MYO16: variants seen among roughly 807,000 people sequenced by gnomAD.
MYO16 encodes myosin XVI.
A neutral mutation model predicts 205.3 loss-of-function variants in MYO16; 94 were observed. That is an observed-to-expected ratio of 0.46 (90% CI 0.39 to 0.54). The LOEUF is 0.54. MYO16 is among the 20% of genes least tolerant of loss of function. MYO16 has a pLI of 0.00. For synonymous variants in MYO16, 988 were observed against 954.0 expected (o/e 1.04, Z -0.66); for missense variants, 2,315 against 2,387.5 (o/e 0.97, Z 0.63).
intron 3 of MYO16, among the ~76,000 whole-genome samples, chr13:108,724,687 A>G (rs150888465): frequency 3.3e-5 from 5 of 152,232 alleles, no homozygotes; most frequent in African/African-American, 1.2e-4. Flanking sequence ...TTTTTAGGAT[A>G]CATATTTGAC....
chr13:109,078,194 T>A (rs1361479402), intron 27 of MYO16, among the ~76,000 whole-genome samples: 1 of 150,806 alleles, frequency 6.6e-6, no homozygotes, highest in East Asian at 1.9e-4. Context: ...TTTTGGAAGG[T>A]CAGGGCAGGC....
At position 109,186,000 on chromosome 13, in the gene MYO16, A is replaced by T. The variant is rs959479161; in HGVS notation, c.5415+6367A>T. On this transcript the variant is annotated intron_variant, in intron 34 of 34. Transcript: ENST00000457511. ...CTCCCACTTGTTATTTTATTCTAAG[A>T]ATTAGCTCCAGGTGAAATGTACAGA... Among the ~76,000 whole-genome samples the T allele has an allele frequency of 2.6e-5, 4 of 152,064 alleles. No homozygotes were observed. In the East Asian group the frequency reaches 7.7e-4, roughly 29 times the overall value.
At chr13:108,969,615 G>C (rs1055098019) in intron 20 of MYO16, among the ~76,000 whole-genome samples, 3 of 152,264 alleles carry the variant, frequency 2.0e-5, no homozygotes, top group Admixed American at 6.5e-5. Flanking sequence ...ATTCCACCCA[G>C]ACCAAAGCCA....
At chr13:108,766,632 G>A (rs148823218) in intron 4 of MYO16, among the ~76,000 whole-genome samples, 2 of 152,196 alleles carry the variant, frequency 1.3e-5, no homozygotes, top group African/African-American at 4.8e-5. Flanking sequence ...AAGGCAGAGC[G>A]GGTAAATAGC....
chr13:108,632,972 G>A (rs1049683916), intron 1 of MYO16, among the ~76,000 whole-genome samples: 8 of 152,130 alleles, frequency 5.3e-5, no homozygotes, highest in Non-Finnish European at 8.8e-5. Flanking sequence ...TTCCCTTCAC[G>A]TGCCTCTGGG....
intron 7 of MYO16, among the ~76,000 whole-genome samples, chr13:108,808,331 A>G (rs1458129735): frequency 6.6e-6 from 1 of 150,906 alleles, no homozygotes; most frequent in East Asian, 1.9e-4. Context: ...TCTTTTTTTA[A>G]TAGAACCTTC....
chr13:108,508,396 A>G, the MYO16 span, among the ~76,000 whole-genome samples: 1 of 151,986 alleles, frequency 6.6e-6, no homozygotes, highest in East Asian at 1.9e-4. Flanking sequence ...AGTATGTGTA[A>G]TTTTCCAGAG....
intron 1 of MYO16, among the ~76,000 whole-genome samples, chr13:108,632,482 G>A (rs1272963800): frequency 6.6e-6 from 1 of 152,130 alleles, no homozygotes; most frequent in Non-Finnish European, 1.5e-5. Context: ...GCTAATGCTC[G>A]CAAGGAACTG....
intron 32 of MYO16, among the ~76,000 whole-genome samples, chr13:109,145,334 T>G (rs34603532): frequency 6.6e-6 from 1 of 151,212 alleles, no homozygotes; most frequent in African/African-American, 2.4e-5. Context: ...TAGCTACCTA[T>G]GCAATGCTGC....
intron 16 of MYO16, among the ~76,000 whole-genome samples, chr13:108,945,377 A>G (rs914725680): frequency 7.9e-5 from 12 of 152,186 alleles, no homozygotes; most frequent in African/African-American, 2.9e-4. Context: ...TTGGAGGGTT[A>G]TTCATTATTT....
At chr13:108,501,157 A>G in the MYO16 span, among the ~76,000 whole-genome samples, 1 of 152,228 alleles carries the variant, frequency 6.6e-6, no homozygotes, top group African/African-American at 2.4e-5. Flanking sequence ...TATCGCGCTT[A>G]TTGAAACGCC....
intron 2 of MYO16, among the ~76,000 whole-genome samples, chr13:108,692,024 C>T (rs1882916683): frequency 6.6e-6 from 1 of 152,190 alleles, no homozygotes; most frequent in African/African-American, 2.4e-5. Flanking sequence ...GACTGAAAGA[C>T]ATCACTTCCA....
intron 4 of MYO16, among the ~76,000 whole-genome samples, chr13:108,781,388 A>G (rs1886297383): frequency 6.6e-6 from 1 of 152,170 alleles, no homozygotes; most frequent in South Asian, 2.1e-4. Flanking sequence ...AACACTAGGG[A>G]GGTGGGGTGG....
intron 13 of MYO16, among the ~76,000 whole-genome samples, chr13:108,887,819 A>G (rs538914449): frequency 6.6e-6 from 1 of 152,350 alleles, no homozygotes; most frequent in East Asian, 1.9e-4. Flanking sequence ...TTCAAAGAAC[A>G]GAGAAGGAAT....
chr13:109,169,574 A>T (rs1040032127), intron 33 of MYO16, among the ~76,000 whole-genome samples: 2 of 152,172 alleles, frequency 1.3e-5, no homozygotes, highest in Non-Finnish European at 2.9e-5. Context: ...AGAATATTAC[A>T]AACAGTTTTA....
chr13:109,122,416 C>T (rs898259623), intron 29 of MYO16, among the ~76,000 whole-genome samples: 1 of 152,140 alleles, frequency 6.6e-6, no homozygotes, highest in African/African-American at 2.4e-5. Flanking sequence ...CAGTGGCTCA[C>T]GCCTGTATTC....
chr13:108,723,079 G>T (rs1001930065), intron 3 of MYO16, among the ~76,000 whole-genome samples: 14 of 152,014 alleles, frequency 9.2e-5, no homozygotes, highest in Admixed American at 3.9e-4. Flanking sequence ...CTCTTGAGAC[G>T]ATCTGATAAT....
chr13:108,500,935 C>T, the MYO16 span, among the ~76,000 whole-genome samples: 3 of 152,164 alleles, frequency 2.0e-5, no homozygotes, highest in Non-Finnish European at 2.9e-5. Context: ...CGACTCACAT[C>T]CCTGCATTTT....
At chr13:108,616,083 GC>G (rs1879340696) in intron 1 of MYO16, among the ~76,000 whole-genome samples, 1 of 152,150 alleles carries the variant, frequency 6.6e-6, no homozygotes, top group Non-Finnish European at 1.5e-5. Context: ...TTTCACAAGT[GC>G]CCTCCTTCCT....
Sources: gnomAD v4.1 joint callset for allele counts (sites outside exome capture counted in the v4.1 genomes callset) on GRCh38, gnomAD v4.1.1 for gene constraint, MANE v1.5 for transcripts, NCBI Gene and HGNC (gene_info 2026-07-23, HGNC 2026-07-21) for gene names.